The following GAREM1 variants were observed in gnomAD, a reference collection of about 807,000 sequenced individuals.
The protein encoded by GAREM1 is GRB2-associated and regulator of MAPK protein 1.
A neutral mutation model predicts 71.3 loss-of-function variants in GAREM1; 26 were observed. That is an observed-to-expected ratio of 0.36 (90% CI 0.27 to 0.51). The LOEUF (loss-of-function observed/expected upper bound fraction) is 0.51, where lower values mean the gene tolerates loss of function less well. Ranked by LOEUF, GAREM1 falls within the 20% of genes least tolerant of loss-of-function variation. The probability of loss-of-function intolerance (pLI) is 0.95; values close to 1 mark genes in which losing one functional copy is unlikely to be tolerated. For synonymous variants in GAREM1, 440 were observed against 433.2 expected (o/e 1.02, Z -0.20); for missense variants, 1,026 against 1,103.1 (o/e 0.93, Z 0.99).
At chr18:32,295,449 G>T (rs1395611413) in intron 3 of GAREM1, among the ~76,000 whole-genome samples, 1 of 151,910 alleles carries the variant, frequency 6.6e-6, no homozygotes, top group Non-Finnish European at 1.5e-5. Flanking sequence ...ATCAGGTTTT[G>T]GTATCAGGCT....
At chr18:32,319,778 A>G (rs1020708414) in intron 2 of GAREM1, among the ~76,000 whole-genome samples, 1 of 152,236 alleles carries the variant, frequency 6.6e-6, no homozygotes, top group Non-Finnish European at 1.5e-5. Context: ...ACATAATGCT[A>G]CGCTTTTCAA....
At chr18:32,388,778 T>TA (rs1276501667) in intron 2 of GAREM1, among the ~76,000 whole-genome samples, 1 of 152,086 alleles carries the variant, frequency 6.6e-6, no homozygotes, top group African/African-American at 2.4e-5. Flanking sequence ...ACTAAAGAGA[T>TA]ACAAGAGCAA....
rs117122263 is a variant in GAREM1, at chr18:32,383,319, G to C, written c.262+9576C>G. ...GTACACTCAACAACTACAGAAATGG[G>C]TCAGGGTTAACAGAAAGCCAGCACA... On this transcript the variant is annotated intron_variant, in intron 2 of 5. Coordinates refer to ENST00000269209, the MANE Select transcript of GAREM1 (RefSeq NM_001242409.2). Among the ~76,000 whole-genome samples the C allele has an allele frequency of 4.1e-3, 630 of 152,304 alleles. 2 individuals are homozygous for C. The highest frequency in any genetic ancestry group is 6.8e-3 in the Middle Eastern group (2 of 294).
intron 3 of GAREM1, among the ~76,000 whole-genome samples, chr18:32,289,700 T>C (rs991645893): frequency 6.6e-6 from 1 of 152,134 alleles, no homozygotes; most frequent in African/African-American, 2.4e-5. Flanking sequence ...TAGGGGGCAA[T>C]GTTTGGAGAC....
At chr18:32,440,762 T>C (rs918019842) in intron 1 of GAREM1, among the ~76,000 whole-genome samples, 1 of 152,218 alleles carries the variant, frequency 6.6e-6, no homozygotes, top group African/African-American at 2.4e-5. Flanking sequence ...AACAATGCTC[T>C]TGATGGCACA....
intron 3 of GAREM1, among the ~76,000 whole-genome samples, chr18:32,303,855 A>C (rs1189009110): frequency 6.6e-6 from 1 of 152,074 alleles, no homozygotes; most frequent in Non-Finnish European, 1.5e-5. Flanking sequence ...CAGGAGTTCA[A>C]GGCTGCAATG....
intron 1 of GAREM1, among the ~76,000 whole-genome samples, chr18:32,418,001 T>C (rs2048480823): frequency 6.6e-6 from 1 of 152,126 alleles, no homozygotes; most frequent in Non-Finnish European, 1.5e-5. Flanking sequence ...ATACACCTAC[T>C]ATGTACGCAC....
chr18:32,271,195 A>T (rs1210303313), intron 4 of GAREM1, among the ~76,000 whole-genome samples: 1 of 151,170 alleles, frequency 6.6e-6, no homozygotes, highest in African/African-American at 2.4e-5. Context: ...TTTTTAATTT[A>T]TTTTTTTTAT....
intron 4 of GAREM1, among the ~76,000 whole-genome samples, chr18:32,273,631 C>A (rs748371592): frequency 3.9e-5 from 6 of 152,050 alleles, no homozygotes; most frequent in Non-Finnish European, 7.4e-5. Context: ...ATGGTTGATG[C>A]TCAAGACAGA....
At chr18:32,432,410 A>G (rs2048632691) in intron 1 of GAREM1, among the ~76,000 whole-genome samples, 1 of 152,148 alleles carries the variant, frequency 6.6e-6, no homozygotes, top group South Asian at 2.1e-4. Flanking sequence ...GAAGAGCACA[A>G]ATAAAAGAAA....
chr18:32,389,665 C>T (rs1213080623), intron 2 of GAREM1, among the ~76,000 whole-genome samples: 1 of 152,062 alleles, frequency 6.6e-6, no homozygotes, highest in Non-Finnish European at 1.5e-5. Context: ...GTAAAATATA[C>T]ATATATAAGG....
intron 1 of GAREM1, among the ~76,000 whole-genome samples, chr18:32,395,445 G>A (rs796131555): frequency 1.3e-5 from 2 of 152,354 alleles, no homozygotes; most frequent in African/African-American, 4.8e-5. Context: ...GGTGAGAGAT[G>A]CTGGGTGGGG....
At chr18:32,359,657 C>T (rs189461770) in intron 2 of GAREM1, among the ~76,000 whole-genome samples, 129 of 149,154 alleles carry the variant, frequency 8.6e-4, no homozygotes, top group African/African-American at 3.2e-3. Context: ...TATCAGTTTT[C>T]TCTTTTATAA....
chr18:32,362,549 T>C (rs1018692174), intron 2 of GAREM1, among the ~76,000 whole-genome samples: 4 of 152,236 alleles, frequency 2.6e-5, no homozygotes, highest in Non-Finnish European at 5.9e-5. Flanking sequence ...GAGAAGTTCC[T>C]GGGAACCATG....
intron 2 of GAREM1, among the ~76,000 whole-genome samples, chr18:32,346,713 G>T (rs1296051498): frequency 3.3e-5 from 5 of 152,196 alleles, no homozygotes; most frequent in African/African-American, 1.2e-4. Context: ...TGAAAGGGAA[G>T]CAGTGCAGAA....
chr18:32,405,944 G>A (rs1054803362), intron 1 of GAREM1, among the ~76,000 whole-genome samples: 1 of 152,124 alleles, frequency 6.6e-6, no homozygotes, highest in Admixed American at 6.5e-5. Context: ...TTTTGTTACA[G>A]TAGTTAGCCT....
At position 32,303,134 on chromosome 18, in the gene GAREM1, T is replaced by C. The variant is rs137943415; in HGVS notation, c.393+7059A>G. Among the ~76,000 whole-genome samples, 536 of 152,338 alleles carry C rather than the reference T, an allele frequency of 3.5e-3. 4 individuals are homozygous for C. Among genetic ancestry groups the C allele is most frequent in the Non-Finnish European group, 6.6e-3 (446 of 68,022 alleles). ...ATGAAGCCAATGTAAACTTGTTACT[T>C]TGCCTCTGAGGAAATCTATGCTGGA... On this transcript the variant is annotated intron_variant, in intron 3 of 5. Coordinates refer to ENST00000269209, the MANE Select transcript of GAREM1 (RefSeq NM_001242409.2).
intron 4 of GAREM1, among the ~76,000 whole-genome samples, chr18:32,271,131 G>C (rs2041456358): frequency 6.6e-6 from 1 of 151,678 alleles, no homozygotes; most frequent in Non-Finnish European, 1.5e-5. Context: ...GCCTCCCAAA[G>C]CATTGGGATT....
At position 32,399,860 on chromosome 18, in the gene GAREM1, G is replaced by A. The variant is rs192864407; in HGVS notation, c.122-6825C>T. 1.2e-4 allele frequency among the ~76,000 whole-genome samples: 19 copies of A among 152,328 alleles called. No homozygotes were observed. The East Asian group carries it at 3.7e-3, about 29-fold the overall frequency. ...ATGGAACCAAAAAAGAGCCTGCACT[G>A]TCAAGTCAATCCTAAGCAAAAAGAA... On this transcript the variant is annotated intron_variant, in intron 1 of 5. Coordinates refer to ENST00000269209, the MANE Select transcript of GAREM1 (RefSeq NM_001242409.2).
Sources: allele counts gnomAD v4.1 joint callset (sites outside exome capture counted in the v4.1 genomes callset), GRCh38; gene constraint gnomAD v4.1.1; transcripts MANE v1.5; gene names NCBI Gene and HGNC (gene_info 2026-07-23, HGNC 2026-07-21).